The following YRDC variants were observed in gnomAD, a reference collection of about 807,000 sequenced individuals.
YRDC encodes yrdC N6-threonylcarbamoyltransferase domain containing.
YRDC carries 17 observed loss-of-function variants against 21.5 expected under a neutral mutation model. That is an observed-to-expected ratio of 0.79 (90% confidence interval 0.54 to 1.19). The LOEUF (loss-of-function observed/expected upper bound fraction) is 1.19. YRDC is among the 50% of genes most tolerant of loss of function. The pLI is 0.00. For synonymous variants in YRDC, 193 were observed against 176.7 expected (o/e 1.09, Z -0.73); for missense variants, 380 against 397.1 (o/e 0.96, Z 0.37).
At position 37,807,783 on chromosome 1, in the gene YRDC, C is replaced by A; in HGVS notation, c.389+9G>T. On this transcript the variant is annotated intron_variant, in intron 1 of 4. Transcript: ENST00000373044. ...CGCCCCTAGCGGGGCCGGGTCGGGG[C>A]GGCCTTACCTGTAGACGTCGGCCAC... The A allele has an allele frequency of 6.7e-7, 1 of 1,496,988 alleles. No homozygotes were observed. The highest frequency in any genetic ancestry group is 8.9e-7 in the Non-Finnish European group (1 of 1,126,814). 92.7% of individuals were successfully genotyped at this position (1,496,988 alleles called of 1,614,324 possible).
Position 37,807,685 on chromosome 1 carries a change from G to A in YRDC, c.389+107C>T. 3.7e-6 allele frequency: 5 copies of A among 1,346,450 alleles called. No individual in the cohort carries two copies. In the South Asian group the frequency reaches 6.9e-5, roughly 18 times the overall value. The allele number at this position is 1,346,450 out of a possible 1,614,324, so 83.4% of individuals were successfully genotyped here. ...TTTCCAGTTCCGGATTCCTTGGTGA[G>A]CCTGGACAAGCCCCTCCCGCTCTCT... On this transcript the variant is annotated intron_variant, in intron 1 of 4. Coordinates refer to ENST00000373044, the MANE Select transcript of YRDC (RefSeq NM_024640.4).
intron 3 of YRDC, among the ~76,000 whole-genome samples, chr1:37,806,004 G>C (rs913332979): frequency 6.6e-6 from 1 of 152,066 alleles, no homozygotes; most frequent in African/African-American, 2.4e-5. Context: ...GAAAAAAAAC[G>C]AAATTTCTAT....
intron 3 of YRDC, among the ~76,000 whole-genome samples, chr1:37,804,658 C>T (rs1405982523): frequency 1.3e-5 from 2 of 152,138 alleles, no homozygotes; most frequent in Non-Finnish European, 2.9e-5. Context: ...CCAAGTAACA[C>T]CTATCTAGGG....
At chr1:37,804,101 C>A in intron 4 of YRDC, 104 bp from the exon 5 acceptor site, 2 of 1,495,690 alleles carry the variant, frequency 1.3e-6, no homozygotes, top group East Asian at 2.3e-5. Context: ...TTGTTAAGCC[C>A]TGTTCATCAA....
Position 37,808,165 on chromosome 1 carries a change from G to C in YRDC, c.16C>G (p.Arg6Gly), listed in dbSNP as rs538389239. 2.7e-6 allele frequency: 4 copies of C among 1,458,046 alleles called. No individual in the cohort carries two copies. Among genetic ancestry groups the C allele is most frequent in the Admixed American group, 4.9e-5 (2 of 40,574 alleles). 90.3% of individuals were successfully genotyped at this position (1,458,046 alleles called of 1,614,324 possible). A position where few individuals can be genotyped will look rare whatever the true frequency, so the allele number is the denominator to read the frequency against. MSPAR[R>G]CRGMRAAVAA... ...ACCGCGGCCCTCATCCCCCTGCACC[G>C]ACGCGCCGGAGACATCCGCCCAGGC... The change falls in exon 1 of 5, where the codon CGG becomes GGG. Residue 6 changes from arginine to glycine, a missense_variant. Physicochemically the swap from Arg to Gly is moderately radical, Grantham distance 125. Around this residue, in one of 3 missense-constraint regions of YRDC, gnomAD observed 91 missense variants for 64.7 expected, o/e 1.41. Transcript: ENST00000373044.
At chr1:37,806,592 T>C (rs1037063162) in intron 3 of YRDC, among the ~76,000 whole-genome samples, 2 of 152,208 alleles carry the variant, frequency 1.3e-5, no homozygotes, top group African/African-American at 4.8e-5. Context: ...CAGGAAGACA[T>C]TGTTCTTATA....
chr1:37,807,447 G>C (rs1646746857), intron 1 of YRDC: 1 of 595,398 alleles, frequency 1.7e-6, no homozygotes, highest in Non-Finnish European at 2.9e-6. Context: ...GCACCGCTGT[G>C]ATATCATGAT....
In YRDC at chr1:37,803,786, C is replaced by T. The variant is rs955625138; in HGVS notation, c.*139G>A. ...AGCTCCAAGGGCTTGGTCTACAGTG[C>T]TCAGAAAGACACACTGCCTTAAAAG... On this transcript the variant is annotated 3_prime_UTR_variant, in exon 5 of 5. Coordinates refer to ENST00000373044, the MANE Select transcript of YRDC (RefSeq NM_024640.4). 5 of 859,270 alleles carry T rather than the reference C, an allele frequency of 5.8e-6. No homozygotes were observed. The Admixed American group carries it at 1.2e-4, about 20-fold the overall frequency. 53.2% of individuals were successfully genotyped at this position (859,270 alleles called of 1,614,324 possible). A position where few individuals can be genotyped will look rare whatever the true frequency, so the allele number is the denominator to read the frequency against.
intron 3 of YRDC, among the ~76,000 whole-genome samples, chr1:37,805,391 AG>A (rs1287543418): frequency 6.6e-6 from 1 of 152,228 alleles, no homozygotes; most frequent in African/African-American, 2.4e-5. Flanking sequence ...TGATCAGGGT[AG>A]GAAGAGTAGA....
intron 3 of YRDC, among the ~76,000 whole-genome samples, chr1:37,805,299 A>G (rs1646727416): frequency 6.6e-6 from 1 of 152,196 alleles, no homozygotes; most frequent in African/African-American, 2.4e-5. Context: ...AAATCTGGTC[A>G]CTTAATGGCT....
chr1:37,803,134 T>C lies in YRDC; in HGVS notation c.*791A>G, dbSNP rs1005748565. 2.6e-5 allele frequency: 4 copies of C among 152,168 alleles called. No individual in the cohort carries two copies. Among genetic ancestry groups the C allele is most frequent in the Admixed American group, 2.6e-4 (4 of 15,266 alleles). 9.4% of individuals were successfully genotyped at this position (152,168 alleles called of 1,614,324 possible). A position where few individuals can be genotyped will look rare whatever the true frequency, so the allele number is the denominator to read the frequency against. ...ATTTTATGAATAAATAAGAAAAAAG[T>C]CCCTGGCTATAAAGGATAGTGGAGG... is the stretch of plus-strand genomic sequence containing the variant. On this transcript the variant is annotated 3_prime_UTR_variant, in exon 5 of 5. Coordinates refer to ENST00000373044, the MANE Select transcript of YRDC (RefSeq NM_024640.4).
Position 37,803,966 on chromosome 1 carries a change from G to A in YRDC, c.799C>T (p.Gln267Ter). Reference protein sequence around the residue: ...ALESTTAILQQKYGLLPSHAS... With the variant: ...ALESTTAILQ ...TGTGAGGGGAGCAGTCCGTACTTCT[G>A]TTGGAGGATGGCTGTAGTACTTTCC... The change falls in exon 5 of 5, where the codon CAG (glutamine) becomes TAG (stop). Residue 267 changes from glutamine (Q) to a stop codon, truncating the protein, a stop_gained. Transcript: ENST00000373044. LOFTEE classifies it high-confidence loss of function. 1 of 1,614,212 alleles carries A rather than the reference G, an allele frequency of 6.2e-7. No homozygotes were observed. Among genetic ancestry groups the A allele is most frequent in the Non-Finnish European group, 8.5e-7 (1 of 1,180,036 alleles).
At position 37,808,147 on chromosome 1, in the gene YRDC, C is replaced by T. The variant is rs1352121804; in HGVS notation, c.34G>A (p.Ala12Thr). 2.0e-6 allele frequency: 3 copies of T among 1,471,582 alleles called. No individual in the cohort carries two copies. Among genetic ancestry groups the T allele is most frequent in the East Asian group, 6.0e-5 (2 of 33,298 alleles). 91.2% of individuals were successfully genotyped at this position (1,471,582 alleles called of 1,614,324 possible). The change falls in exon 1 of 5, where the codon GCC becomes ACC. Residue 12 changes from alanine to threonine, a missense_variant. Ala to Thr is a moderately conservative substitution (Grantham distance 58). This residue lies in a region of YRDC where 91 missense variants were observed against 64.7 expected (regional missense o/e 1.41). Coordinates refer to ENST00000373044, the MANE Select transcript of YRDC (RefSeq NM_024640.4). Reference sequence around the variant, plus strand: ...AACCCCACGCTGGCAGCCACCGCGGCCCTCATCCCCCTGCACCGACGCGCC... The same window carrying T: ...AACCCCACGCTGGCAGCCACCGCGGTCCTCATCCCCCTGCACCGACGCGCC... ...SPARRCRGMRAAVAASVGLSE... is the reference protein window; with the variant it reads ...SPARRCRGMRTAVAASVGLSE...
intron 3 of YRDC, among the ~76,000 whole-genome samples, chr1:37,806,093 T>G (rs1281515318): frequency 6.6e-6 from 1 of 152,090 alleles, no homozygotes; most frequent in Non-Finnish European, 1.5e-5. Context: ...GTGGCAGAGA[T>G]AAGAGAACAG....
At position 37,804,549 on chromosome 1, in the gene YRDC, A is replaced by G. The variant is rs1646722782; in HGVS notation, c.625-105T>C. The G allele has an allele frequency of 2.2e-6, 3 of 1,365,936 alleles. No homozygotes were observed. The Admixed American group carries it at 7.7e-5, about 35-fold the overall frequency. 84.6% of individuals were successfully genotyped at this position (1,365,936 alleles called of 1,614,324 possible). On this transcript the variant is annotated intron_variant, in intron 3 of 4. Transcript: ENST00000373044. ...GCCATATAGTCTTAAAACAGAAGGC[A>G]CTTTCCTCTAAGCAGAGAAAGGAGC...
rs1646717693 is a variant in YRDC at position 37,803,881 on chromosome 1, T to C, written c.*44A>G. ...TGACAGTCGTCAGTGGACAGACACA[T>C]AGTATCCAGCACCAGGTCTTGGGCC... On this transcript the variant is annotated 3_prime_UTR_variant, in exon 5 of 5. Transcript: ENST00000373044. 4 of 1,605,208 alleles carry C rather than the reference T, an allele frequency of 2.5e-6. No individual in the cohort carries two copies. The highest frequency in any genetic ancestry group is 4.5e-5 in the East Asian group (2 of 44,840).
At chr1:37,804,202 A>G in intron 4 of YRDC, 100 bp downstream of exon 4, 1 of 1,533,338 alleles carries the variant, frequency 6.5e-7, no homozygotes, top group South Asian at 1.3e-5. Context: ...ACACTCCTTC[A>G]GGGCAACATA....
At chr1:37,804,803 C>G (rs1480191914) in intron 3 of YRDC, among the ~76,000 whole-genome samples, 1 of 152,206 alleles carries the variant, frequency 6.6e-6, no homozygotes, top group African/African-American at 2.4e-5. Context: ...CTCCGTGTGA[C>G]TGCATGCAAG....
intron 1 of YRDC, 68 bp downstream of exon 1, chr1:37,807,724 C>T (rs1646749992): frequency 7.1e-7 from 1 of 1,405,220 alleles, no homozygotes; most frequent in Non-Finnish European, 9.3e-7. Context: ...CCTCAGTCTC[C>T]CAAGCCTGTC....
Sources: allele counts gnomAD v4.1 joint callset (sites outside exome capture counted in the v4.1 genomes callset), GRCh38; gene constraint gnomAD v4.1.1; regional missense constraint gnomAD v4.1.1; transcripts MANE v1.5; gene names NCBI Gene and HGNC (gene_info 2026-07-23, HGNC 2026-07-21).